PDE10A: variants seen among roughly 807,000 people sequenced by gnomAD.
PDE10A encodes phosphodiesterase 10A, also known as cAMP and cAMP-inhibited cGMP 3',5'-cyclic phosphodiesterase 10A.
In PDE10A, 39 loss-of-function variants were observed where a neutral mutation model predicts 97.7. That is an observed-to-expected ratio of 0.40 (90% CI 0.31 to 0.52). The LOEUF is 0.52. Among genes scored for constraint, PDE10A ranks in the 20% least tolerant of loss-of-function variants. The probability of loss-of-function intolerance (pLI) is 0.56; values close to 1 mark genes in which losing one functional copy is unlikely to be tolerated. For synonymous variants in PDE10A, 371 were observed against 376.8 expected (o/e 0.98, Z 0.18); for missense variants, 731 against 1,047.8 (o/e 0.70, Z 4.17).
chr6:165,829,391 A>G (rs1379245099), intron 1 of PDE10A, among the ~76,000 whole-genome samples: 3 of 152,200 alleles, frequency 2.0e-5, no homozygotes, highest in African/African-American at 4.8e-5. Flanking sequence ...TTAGAACCTT[A>G]AAACATTCTG....
chr6:165,699,355 G>A (rs1268951555), intron 1 of PDE10A, among the ~76,000 whole-genome samples: 1 of 152,200 alleles, frequency 6.6e-6, no homozygotes, highest in East Asian at 1.9e-4. Context: ...AAAACCTAAT[G>A]AACATAAAAG....
At chr6:165,494,477 T>A (rs1780415454) in intron 2 of PDE10A, among the ~76,000 whole-genome samples, 1 of 149,128 alleles carries the variant, frequency 6.7e-6, no homozygotes, top group Non-Finnish European at 1.5e-5. Context: ...TGTGTGTGTG[T>A]AATACACACA....
At chr6:165,364,844 A>C (rs1215850747) in intron 18 of PDE10A, among the ~76,000 whole-genome samples, 1 of 152,186 alleles carries the variant, frequency 6.6e-6, no homozygotes, top group East Asian at 1.9e-4. Context: ...TCGAAATTAG[A>C]AAATTACTTT....
intron 18 of PDE10A, among the ~76,000 whole-genome samples, chr6:165,375,843 AC>A (rs1228222976): frequency 9.9e-5 from 15 of 152,210 alleles, no homozygotes; most frequent in Non-Finnish European, 1.0e-4. Context: ...TATAAATGGA[AC>A]AACAAAGCCT....
At chr6:165,906,002 TCCTTCCTTCCTTCCCTCCCTC>T (rs1782255591) in intron 1 of PDE10A, among the ~76,000 whole-genome samples, 1 of 51,264 alleles carries the variant, frequency 2.0e-5, no homozygotes, top group African/African-American at 8.3e-5. Context: ...CTTCCTTCCT[TCCTTCCTTCCTTCCCTCCCTC>T]CCTTCCTTCC....
At chr6:165,684,648 G>A (rs1183684513) in intron 1 of PDE10A, among the ~76,000 whole-genome samples, 1 of 152,234 alleles carries the variant, frequency 6.6e-6, no homozygotes, top group Non-Finnish European at 1.5e-5. Context: ...TTCCAGTGGT[G>A]TGAGAAGGAG....
intron 10 of PDE10A, among the ~76,000 whole-genome samples, chr6:165,423,151 A>G (rs186896229): frequency 1.5e-4 from 23 of 152,312 alleles, no homozygotes; most frequent in Admixed American, 1.4e-3. Context: ...ACAGAGAAAG[A>G]CATATTCATG....
At chr6:165,629,247 G>C (rs538752092) in intron 1 of PDE10A, among the ~76,000 whole-genome samples, 6 of 152,134 alleles carry the variant, frequency 3.9e-5, no homozygotes, top group Non-Finnish European at 7.4e-5. Flanking sequence ...CACTCATTAC[G>C]CTTTCTTTGT....
At chr6:165,348,674 C>T (rs937391045) in intron 18 of PDE10A, among the ~76,000 whole-genome samples, 1 of 152,142 alleles carries the variant, frequency 6.6e-6, no homozygotes, top group Non-Finnish European at 1.5e-5. Flanking sequence ...ATTAAACTGT[C>T]TGATATAGTT....
intron 3 of PDE10A, among the ~76,000 whole-genome samples, chr6:165,457,588 C>T (rs1231101944): frequency 1.3e-5 from 2 of 152,110 alleles, no homozygotes; most frequent in South Asian, 2.1e-4. Context: ...CGTCAAGCTA[C>T]ATCAGGTTCT....
intron 1 of PDE10A, among the ~76,000 whole-genome samples, chr6:165,745,906 G>A (rs892609663): frequency 6.6e-6 from 1 of 152,224 alleles, no homozygotes; most frequent in Admixed American, 6.5e-5. Flanking sequence ...AGGAATACAC[G>A]ATTGGGGTGT....
intron 1 of PDE10A, among the ~76,000 whole-genome samples, chr6:165,720,050 T>A (rs1332780241): frequency 1.3e-5 from 2 of 152,160 alleles, no homozygotes; most frequent in Non-Finnish European, 2.9e-5. Flanking sequence ...AGGCGCTCAA[T>A]AGACAACGTC....
intron 2 of PDE10A, among the ~76,000 whole-genome samples, chr6:165,483,844 T>G (rs1350450660): frequency 1.3e-5 from 2 of 152,232 alleles, no homozygotes; most frequent in East Asian, 3.9e-4. Context: ...TAAATAAATG[T>G]TCCTTTGGCT....
At chr6:165,453,180 A>G (rs937411179) in intron 3 of PDE10A, among the ~76,000 whole-genome samples, 1 of 152,192 alleles carries the variant, frequency 6.6e-6, no homozygotes, top group Non-Finnish European at 1.5e-5. Flanking sequence ...CAAAATAATG[A>G]AGGATCTTCA....
chr6:165,528,001 C>A (rs944391020), intron 2 of PDE10A, among the ~76,000 whole-genome samples: 20 of 152,170 alleles, frequency 1.3e-4, no homozygotes, highest in Non-Finnish European at 2.5e-4. Flanking sequence ...GGTAATCTTC[C>A]CAGTGGGCAA....
chr6:165,360,187 C>T (rs1783312233), intron 18 of PDE10A, among the ~76,000 whole-genome samples: 1 of 152,168 alleles, frequency 6.6e-6, no homozygotes, highest in Admixed American at 6.5e-5. Flanking sequence ...ACTGTGTGAT[C>T]CCTACAATCT....
intron 1 of PDE10A, among the ~76,000 whole-genome samples, chr6:165,564,386 C>A (rs928940633): frequency 2.6e-5 from 4 of 152,128 alleles, no homozygotes; most frequent in African/African-American, 9.7e-5. Flanking sequence ...ACTGATAAGA[C>A]CCGTTTTGAC....
intron 18 of PDE10A, among the ~76,000 whole-genome samples, chr6:165,357,839 T>C (rs1783131253): frequency 6.6e-6 from 1 of 152,122 alleles, no homozygotes; most frequent in Non-Finnish European, 1.5e-5. Context: ...GCTTGCTTTA[T>C]GTTTTATTGC....
chr6:165,391,673 A>T (rs1394313525), intron 16 of PDE10A, among the ~76,000 whole-genome samples: 1 of 152,188 alleles, frequency 6.6e-6, no homozygotes, highest in Non-Finnish European at 1.5e-5. Flanking sequence ...ATTGTTTTAA[A>T]AAAAGCAACA....
Sources: allele counts gnomAD v4.1 joint callset (sites outside exome capture counted in the v4.1 genomes callset), GRCh38; gene constraint gnomAD v4.1.1; transcripts MANE v1.5; gene names NCBI Gene and HGNC (gene_info 2026-07-23, HGNC 2026-07-21).